Variants in ATP10B observed in about 807,000 individuals in gnomAD.
ATP10B encodes the protein ATPase phospholipid transporting 10B (putative), also known as phospholipid-transporting ATPase VB.
ATP10B carries 122 observed loss-of-function variants against 141.2 expected under a neutral mutation model. The observed-to-expected ratio is 0.86, with a 90% confidence interval of 0.75 to 1.00. The LOEUF is 1.00. Among genes scored for constraint, ATP10B ranks in the 50% least tolerant of loss-of-function variants. The pLI is 0.00. For missense variants in ATP10B, 1,876 were observed against 1,825.3 expected (o/e 1.03, Z -0.51); for synonymous variants, 685 against 692.0 (o/e 0.99, Z 0.16).
At chr5:160,894,735 CCAAGATG>C in the ATP10B span, among the ~76,000 whole-genome samples, 11 of 152,000 alleles carry the variant, frequency 7.2e-5, no homozygotes, top group Non-Finnish European at 8.8e-5. Flanking sequence ...AAGAGCAACC[CCAAGATG>C]CATAATCGCC....
chr5:160,691,419 C>G (rs1764070900), intron 3 of ATP10B, among the ~76,000 whole-genome samples: 1 of 152,042 alleles, frequency 6.6e-6, no homozygotes, highest in Non-Finnish European at 1.5e-5. Context: ...TTTAAATAAA[C>G]CCTACAAGCA....
the ATP10B span, among the ~76,000 whole-genome samples, chr5:160,917,578 G>A: frequency 2.9e-3 from 440 of 152,218 alleles, 1 homozygote; most frequent in African/African-American, 0.01. Flanking sequence ...GGGGGTGAGG[G>A]CATTGATCAC....
In ATP10B at chr5:160,707,152, T is replaced by C. The variant is rs534391553; in HGVS notation, c.-205+9757A>G. Among the ~76,000 whole-genome samples, 8 of 152,250 alleles carry C rather than the reference T, an allele frequency of 5.3e-5. No homozygotes were observed. The South Asian group carries it at 1.5e-3, about 28-fold the overall frequency. On this transcript the variant is annotated intron_variant, in intron 3 of 25. Coordinates refer to ENST00000327245, the MANE Select transcript of ATP10B (RefSeq NM_025153.3). ...TTTTAGTAGAGATGGGGTTTCACCATGTTGGCCAGGCTGGTCTTAAACTCC... is the reference window on the plus strand; with the variant it reads ...TTTTAGTAGAGATGGGGTTTCACCACGTTGGCCAGGCTGGTCTTAAACTCC...
At chr5:160,803,102 G>A (rs1772504055) in intron 1 of ATP10B, among the ~76,000 whole-genome samples, 1 of 152,126 alleles carries the variant, frequency 6.6e-6, no homozygotes, top group Admixed American at 6.5e-5. Flanking sequence ...CACTTGGCAT[G>A]GTGGGCTTGG....
intron 7 of ATP10B, among the ~76,000 whole-genome samples, chr5:160,653,181 T>C (rs1253196471): frequency 7.5e-6 from 1 of 133,650 alleles, no homozygotes; most frequent in Non-Finnish European, 1.5e-5. Context: ...ATATACAATA[T>C]ATTATATATA....
At chr5:160,705,491 G>A (rs1465856567) in intron 3 of ATP10B, among the ~76,000 whole-genome samples, 3 of 152,112 alleles carry the variant, frequency 2.0e-5, no homozygotes, top group African/African-American at 7.2e-5. Flanking sequence ...GGGATTACAA[G>A]TGTGATTACA....
At chr5:160,733,037 G>A (rs1481863110) in intron 2 of ATP10B, among the ~76,000 whole-genome samples, 1 of 152,108 alleles carries the variant, frequency 6.6e-6, no homozygotes, top group Non-Finnish European at 1.5e-5. Flanking sequence ...TATGTAGATT[G>A]CTTTGGGTAT....
chr5:160,869,568 A>G, the ATP10B span, among the ~76,000 whole-genome samples: 3 of 152,162 alleles, frequency 2.0e-5, no homozygotes, highest in African/African-American at 7.2e-5. Context: ...AGGATCTTAG[A>G]ACTCAATGCA....
chr5:160,758,176 G>A (rs546511423), intron 2 of ATP10B, among the ~76,000 whole-genome samples: 1 of 152,274 alleles, frequency 6.6e-6, no homozygotes, highest in South Asian at 2.1e-4. Flanking sequence ...TAAGCCAACA[G>A]TAGCCAATGT....
chr5:160,814,742 C>G (rs975129644), intron 1 of ATP10B, among the ~76,000 whole-genome samples: 5 of 152,192 alleles, frequency 3.3e-5, no homozygotes, highest in Non-Finnish European at 7.3e-5. Context: ...AGAGAAAGGT[C>G]AGGTTACCCA....
At chr5:160,737,515 A>T (rs888847175) in intron 2 of ATP10B, among the ~76,000 whole-genome samples, 3 of 152,210 alleles carry the variant, frequency 2.0e-5, no homozygotes, top group Non-Finnish European at 4.4e-5. Flanking sequence ...AGACTCCACA[A>T]AAAACTCTTA....
intron 1 of ATP10B, among the ~76,000 whole-genome samples, chr5:160,792,952 G>T (rs534487540): frequency 6.6e-6 from 1 of 152,268 alleles, no homozygotes; most frequent in East Asian, 1.9e-4. Context: ...ACTTGATGGA[G>T]GTGTGGGTCA....
At chr5:160,635,224 G>A (rs1467189793) in intron 11 of ATP10B, among the ~76,000 whole-genome samples, 1 of 152,202 alleles carries the variant, frequency 6.6e-6, no homozygotes, top group Non-Finnish European at 1.5e-5. Flanking sequence ...GGAAGTCAGG[G>A]TGTGAGTTGT....
chr5:160,622,305 C>T (rs1179673628), intron 14 of ATP10B, 89 bp downstream of exon 14: 3 of 1,353,492 alleles, frequency 2.2e-6, no homozygotes, highest in African/African-American at 3.0e-5. Context: ...TTCATGTCTC[C>T]CTGATCAGAA....
At chr5:160,589,749 G>C in intron 23 of ATP10B, 53 bp from the exon 24 acceptor site, 7 of 1,374,556 alleles carry the variant, frequency 5.1e-6, no homozygotes, top group Non-Finnish European at 7.3e-6. Flanking sequence ...GACTAACTTT[G>C]GCTTTGACAC....
At chr5:160,762,661 C>A (rs66531377) in intron 2 of ATP10B, among the ~76,000 whole-genome samples, 47,456 of 150,980 alleles carry the variant, frequency 0.31, 7,746 homozygotes, top group Non-Finnish European at 0.36. Context: ...GAAAAAAAAA[C>A]CCACAAAGTA....
At chr5:160,741,648 C>G (rs1056901264) in intron 2 of ATP10B, among the ~76,000 whole-genome samples, 2 of 152,100 alleles carry the variant, frequency 1.3e-5, no homozygotes, top group African/African-American at 2.4e-5. Flanking sequence ...TTCAAAGGTC[C>G]TTTTTACCCA....
the ATP10B span, among the ~76,000 whole-genome samples, chr5:160,900,053 A>G: frequency 6.6e-6 from 1 of 152,148 alleles, no homozygotes; most frequent in African/African-American, 2.4e-5. Context: ...TTTTCCCCGC[A>G]TAAGAGTGTG....
intron 24 of ATP10B, among the ~76,000 whole-genome samples, chr5:160,587,187 T>C (rs1337237015): frequency 6.6e-6 from 1 of 152,208 alleles, no homozygotes; most frequent in African/African-American, 2.4e-5. Flanking sequence ...TAACCAGTTT[T>C]CCCAGTACCA....
Sources: allele counts gnomAD v4.1 joint callset (sites outside exome capture counted in the v4.1 genomes callset), GRCh38; gene constraint gnomAD v4.1.1; transcripts MANE v1.5; gene names NCBI Gene and HGNC (gene_info 2026-07-23, HGNC 2026-07-21).